ABI3BP: variants seen among roughly 807,000 people sequenced by gnomAD.
ABI3BP encodes target of Nesh-SH3.
In ABI3BP, 216 loss-of-function variants were observed where a neutral mutation model predicts 268.6. That is an observed-to-expected ratio of 0.80 (90% confidence interval 0.72 to 0.90). The LOEUF is 0.90. Ranked by LOEUF, ABI3BP falls within the 40% of genes least tolerant of loss-of-function variation. ABI3BP has a pLI of 0.00. For missense variants in ABI3BP, 2,090 were observed against 2,182.4 expected (o/e 0.96, Z 0.84); for synonymous variants, 730 against 730.0 (o/e 1.00, Z 0.00).
At chr3:100,942,777 C>T (rs1399733252) in intron 1 of ABI3BP, among the ~76,000 whole-genome samples, 1 of 152,062 alleles carries the variant, frequency 6.6e-6, no homozygotes, top group Admixed American at 6.6e-5. Context: ...CTGGGGGCAG[C>T]AATCTGTATT....
chr3:100,988,088 G>C (rs1478522177), intron 1 of ABI3BP, among the ~76,000 whole-genome samples: 2 of 152,164 alleles, frequency 1.3e-5, no homozygotes, highest in Non-Finnish European at 2.9e-5. Context: ...CACCAAGTAG[G>C]CTTTGCACTC....
chr3:100,835,501 A>G (rs1315432321), intron 28 of ABI3BP, 100 bp downstream of exon 28: 2 of 882,610 alleles, frequency 2.3e-6, no homozygotes, highest in East Asian at 2.8e-5. Flanking sequence ...GGATGATGAG[A>G]AAATCTTATG....
chr3:100,833,115 G>C lies in ABI3BP; in HGVS notation c.2314+10C>G. The C allele has an allele frequency of 1.3e-6, 2 of 1,533,854 alleles. No individual in the cohort carries two copies. The highest frequency in any genetic ancestry group is 2.4e-5 in the South Asian group (2 of 83,840). ...AAAAGGACTTGCTGAAGGACATAGA[G>C]AGTCATTACCTGAAGATGTCCCAGG... On this transcript the variant is annotated intron_variant, in intron 30 of 67. Transcript: ENST00000471714.
intron 48 of ABI3BP, 62 bp from the exon 49 acceptor site, chr3:100,810,539 T>A: frequency 8.6e-7 from 1 of 1,161,246 alleles, no homozygotes. Flanking sequence ...TGAGTACAGA[T>A]AACAGACAGG....
intron 1 of ABI3BP, among the ~76,000 whole-genome samples, chr3:100,933,637 A>ATATG (rs1554151339): frequency 6.7e-6 from 1 of 149,848 alleles, no homozygotes; most frequent in Non-Finnish European, 1.5e-5. Flanking sequence ...TTTGCAATAT[A>ATATG]TATATATATC....
At position 100,920,523 on chromosome 3, in the gene ABI3BP, A is replaced by G. The variant is rs576525495; in HGVS notation, c.259+5779T>C. ...ACTGCAACCTCCCCCTCCCAGGTTC[A>G]AGCAATTCTCTGCCTCAGCTTCCTG... On this transcript the variant is annotated intron_variant, in intron 2 of 67. Coordinates refer to ENST00000471714, the MANE Select transcript of ABI3BP (RefSeq NM_001375547.2). Among the ~76,000 whole-genome samples, 8 of 152,192 alleles carry G rather than the reference A, an allele frequency of 5.3e-5. No homozygotes were observed. In the East Asian group the frequency reaches 1.5e-3, roughly 29 times the overall value.
intron 58 of ABI3BP, chr3:100,778,585 T>A: frequency 1.8e-6 from 1 of 561,462 alleles, no homozygotes; most frequent in South Asian, 2.4e-5. Context: ...AACAACGCAC[T>A]GTAGTATATA....
At chr3:100,805,875 T>A (rs2152421337) in intron 50 of ABI3BP, among the ~76,000 whole-genome samples, 1 of 152,170 alleles carries the variant, frequency 6.6e-6, no homozygotes, top group South Asian at 2.1e-4. Flanking sequence ...ATTATAAATT[T>A]TTTTTCCACT....
chr3:100,926,875 G>T lies in ABI3BP; in HGVS notation c.80-394C>A, dbSNP rs1358213029. On this transcript the variant is annotated intron_variant, in intron 1 of 67. Transcript: ENST00000471714. ...CCAGCCTCCTTTATGAGGCTTTCCAGTGCCACATCCACAGGTCTTAGTCAT... is the reference window on the plus strand; with the variant it reads ...CCAGCCTCCTTTATGAGGCTTTCCATTGCCACATCCACAGGTCTTAGTCAT... Among the ~76,000 whole-genome samples, 3 of 152,220 alleles carry T rather than the reference G, an allele frequency of 2.0e-5. No individual in the cohort carries two copies. In the East Asian group the frequency reaches 5.8e-4, roughly 29 times the overall value.
rs1559748165 is a variant in ABI3BP, at chr3:100,749,537, A to T, written c.*958T>A. On this transcript the variant is annotated 3_prime_UTR_variant, in exon 68 of 68. Coordinates refer to ENST00000471714, the MANE Select transcript of ABI3BP (RefSeq NM_001375547.2). ...ATAGAAATAAATGAGTTAGTTAGTT[A>T]GATTTTTATTACAGATTGAATTAAA... 1.5e-5 allele frequency: 6 copies of T among 392,960 alleles called. No individual in the cohort carries two copies. The highest frequency in any genetic ancestry group is 2.2e-5 in the Non-Finnish European group (5 of 223,670). 24.3% of individuals were successfully genotyped at this position (392,960 alleles called of 1,614,324 possible). A position where few individuals can be genotyped will look rare whatever the true frequency, so the allele number is the denominator to read the frequency against.
At chr3:100,818,926 T>C (rs2098129038) in intron 40 of ABI3BP, among the ~76,000 whole-genome samples, 1 of 152,222 alleles carries the variant, frequency 6.6e-6, no homozygotes, top group Admixed American at 6.5e-5. Flanking sequence ...GGCATGTTTG[T>C]GGAAGCTTTA....
chr3:100,913,364 C>A (rs916876326), intron 2 of ABI3BP, among the ~76,000 whole-genome samples: 1 of 152,190 alleles, frequency 6.6e-6, no homozygotes, highest in Non-Finnish European at 1.5e-5. Context: ...CCTGCCCATC[C>A]ATGATAATTA....
Position 100,822,649 on chromosome 3 carries a change from G to A in ABI3BP, c.2827C>T (p.Arg943Cys), listed in dbSNP as rs971103743. 4.6e-6 allele frequency: 7 copies of A among 1,536,420 alleles called. No homozygotes were observed. The highest frequency in any genetic ancestry group is 2.7e-5 in the African/African-American group (2 of 73,026). ...GTTTTTGTTCTGAGACGTGGACGAC[G>A]TGTCCGTTGTGATGTTTTGGAAGCT... ...TLASKTSQRT[R>C]RPRLRTKTTP... The change falls in exon 38 of 68, where the codon CGT becomes TGT. Residue 943 changes from arginine (R) to cysteine (C), a missense_variant. Physicochemically the swap from Arg to Cys is radical, Grantham distance 180. Transcript: ENST00000471714.
chr3:100,844,523 G>T (rs756114422), intron 20 of ABI3BP: 93 of 940,470 alleles, frequency 9.9e-5, no homozygotes, highest in Non-Finnish European at 1.2e-4. Flanking sequence ...TGTGCGGAGA[G>T]GGCTGGGAAA....
intron 17 of ABI3BP, 124 bp from the exon 18 acceptor site, chr3:100,848,999 TC>T: frequency 1.3e-6 from 1 of 770,700 alleles, no homozygotes; most frequent in Non-Finnish European, 2.2e-6. Flanking sequence ...CCTTAGAATG[TC>T]CAGTATACCT....
intron 20 of ABI3BP, among the ~76,000 whole-genome samples, chr3:100,844,860 A>G (rs1277288044): frequency 1.3e-5 from 2 of 152,210 alleles, no homozygotes; most frequent in East Asian, 1.9e-4. Context: ...AATTCTTCCC[A>G]TGTTAAAAGG....
intron 6 of ABI3BP, among the ~76,000 whole-genome samples, chr3:100,878,056 C>T (rs1037950855): frequency 7.2e-5 from 11 of 152,088 alleles, no homozygotes; most frequent in Non-Finnish European, 1.2e-4. Flanking sequence ...TGCCTGCATG[C>T]GTTGACTCAA....
intron 1 of ABI3BP, among the ~76,000 whole-genome samples, chr3:100,988,888 A>T (rs1460293584): frequency 6.6e-6 from 1 of 152,236 alleles, no homozygotes; most frequent in Non-Finnish European, 1.5e-5. Flanking sequence ...TTCTAGCTAT[A>T]TTACTTGGAG....
At chr3:100,755,508 C>T (rs1240943572) in intron 63 of ABI3BP, among the ~76,000 whole-genome samples, 2 of 152,160 alleles carry the variant, frequency 1.3e-5, no homozygotes, top group Non-Finnish European at 2.9e-5. Context: ...TTCTCTCCCT[C>T]CATACCCCAA....
Sources: allele counts gnomAD v4.1 joint callset (sites outside exome capture counted in the v4.1 genomes callset), GRCh38; gene constraint gnomAD v4.1.1; transcripts MANE v1.5; gene names NCBI Gene and HGNC (gene_info 2026-07-23, HGNC 2026-07-21).